LRMDA: variants seen among roughly 807,000 people sequenced by gnomAD.
The protein encoded by LRMDA is leucine rich melanocyte differentiation associated, also known as leucine-rich melanocyte differentiation-associated protein.
Under a neutral mutation model 29.8 loss-of-function variants are expected in LRMDA, and 18 were observed. The observed-to-expected ratio is 0.60, with a 90% CI of 0.42 to 0.90. The LOEUF is 0.90. Among genes scored for constraint, LRMDA ranks in the 40% least tolerant of loss-of-function variants. The pLI, the probability that LRMDA is intolerant of heterozygous loss-of-function variation, is 0.00. For synonymous variants in LRMDA, 125 were observed against 109.4 expected (o/e 1.14, Z -0.89); for missense variants, 273 against 273.9 (o/e 1.00, Z 0.02).
chr10:76,313,274 G>A (rs1006051245), intron 5 of LRMDA, among the ~76,000 whole-genome samples: 1 of 152,174 alleles, frequency 6.6e-6, no homozygotes, highest in Non-Finnish European at 1.5e-5. Flanking sequence ...CATGGAAAGT[G>A]TTTAACGCAG....
intron 6 of LRMDA, among the ~76,000 whole-genome samples, chr10:76,555,186 C>A (rs1260853813): frequency 6.6e-6 from 1 of 152,052 alleles, no homozygotes; most frequent in Non-Finnish European, 1.5e-5. Context: ...AGCCCACAGA[C>A]CAGCAGGATC....
chr10:75,681,881 C>T (rs76398142), intron 2 of LRMDA, among the ~76,000 whole-genome samples: 109 of 152,232 alleles, frequency 7.2e-4, no homozygotes, highest in African/African-American at 2.6e-3. Context: ...TGACCTAAAC[C>T]GGGAGAAAGC....
At chr10:75,655,437 C>T (rs555268014) in intron 2 of LRMDA, among the ~76,000 whole-genome samples, 2 of 152,342 alleles carry the variant, frequency 1.3e-5, no homozygotes, top group South Asian at 4.1e-4. Context: ...CTTGCTAGGC[C>T]AGCCTGCCAT....
chr10:76,000,662 G>A (rs939848717), intron 2 of LRMDA, among the ~76,000 whole-genome samples: 22 of 152,120 alleles, frequency 1.4e-4, no homozygotes, highest in Admixed American at 1.2e-3. Flanking sequence ...CATGAGGGAG[G>A]CCTGTGCATC....
chr10:75,922,647 G>A (rs1846045978), intron 2 of LRMDA, among the ~76,000 whole-genome samples: 1 of 152,078 alleles, frequency 6.6e-6, no homozygotes, highest in Non-Finnish European at 1.5e-5. Context: ...ACTTCCCACT[G>A]TGGGCATAAC....
intron 5 of LRMDA, among the ~76,000 whole-genome samples, chr10:76,319,774 C>T (rs923530976): frequency 1.3e-5 from 2 of 152,036 alleles, no homozygotes; most frequent in Non-Finnish European, 2.9e-5. Flanking sequence ...TTCCCAGACC[C>T]AGGATCACTT....
rs1321654621 is a variant in LRMDA at position 76,345,089 on chromosome 10, C to T, written c.601+20604C>T. On this transcript the variant is annotated intron_variant, in intron 6 of 6. Coordinates refer to ENST00000611255, the MANE Select transcript of LRMDA (RefSeq NM_001305581.2). ...TTTTTTTTTTTTTTTTTTTTTGAGA[C>T]GGAGTCTCGCTCTGTCGCCCAGGCT... is the stretch of plus-strand genomic sequence containing the variant. Among the ~76,000 whole-genome samples the T allele has an allele frequency of 6.0e-5, 5 of 82,950 alleles. No homozygotes were observed. In the East Asian group the frequency reaches 2.0e-3, roughly 34 times the overall value. The allele number at this position is 82,950 out of a possible 152,430, so 54.4% of individuals were successfully genotyped here.
At chr10:75,775,078 G>C (rs1222316758) in intron 2 of LRMDA, among the ~76,000 whole-genome samples, 1 of 152,198 alleles carries the variant, frequency 6.6e-6, no homozygotes, top group Non-Finnish European at 1.5e-5. Context: ...CACAGAAGTG[G>C]ATTGTTCTTC....
At chr10:75,539,903 A>T (rs753064255) in intron 2 of LRMDA, among the ~76,000 whole-genome samples, 3 of 152,248 alleles carry the variant, frequency 2.0e-5, no homozygotes, top group Non-Finnish European at 4.4e-5. Context: ...TTTGGGTTTT[A>T]ATTTTCTTTA....
At chr10:75,470,402 C>T (rs1193064479) in intron 2 of LRMDA, among the ~76,000 whole-genome samples, 2 of 152,198 alleles carry the variant, frequency 1.3e-5, no homozygotes, top group African/African-American at 4.8e-5. Context: ...GAGGCTGATG[C>T]ATGAGAATCA....
chr10:75,551,323 CTTGATAT>C (rs1840144118), intron 2 of LRMDA, among the ~76,000 whole-genome samples: 1 of 151,862 alleles, frequency 6.6e-6, no homozygotes, highest in Non-Finnish European at 1.5e-5. Flanking sequence ...GCCTGGCTTA[CTTGATAT>C]TTATTTATTT....
intron 6 of LRMDA, among the ~76,000 whole-genome samples, chr10:76,386,851 C>T (rs899519974): frequency 4.6e-4 from 70 of 151,730 alleles, no homozygotes; most frequent in Non-Finnish European, 8.2e-4. Flanking sequence ...AGAGCTTTTA[C>T]GAGTTCTACT....
At position 75,708,516 on chromosome 10, in the gene LRMDA, C is replaced by T. The variant is rs531232611; in HGVS notation, c.131+270022C>T. Among the ~76,000 whole-genome samples the T allele has an allele frequency of 1.6e-4, 24 of 152,088 alleles. No homozygotes were observed. In the South Asian group the frequency reaches 4.4e-3, roughly 28 times the overall value. ...TTCTAGTTTTATAGTTATTTAATAC[C>T]GCAATGCCAGATACTGAGAAAATGG... On this transcript the variant is annotated intron_variant, in intron 2 of 6. Transcript: ENST00000611255.
intron 2 of LRMDA, among the ~76,000 whole-genome samples, chr10:76,012,823 G>A (rs1171145163): frequency 1.3e-5 from 2 of 152,088 alleles, no homozygotes; most frequent in Non-Finnish European, 1.5e-5. Flanking sequence ...GCTTCTTTCG[G>A]GATATAAGCC....
intron 2 of LRMDA, among the ~76,000 whole-genome samples, chr10:75,915,002 G>A (rs1295991721): frequency 5.3e-5 from 8 of 150,866 alleles, no homozygotes; most frequent in African/African-American, 1.7e-4. Context: ...TTGTTATCTT[G>A]TTATCTGACT....
chr10:76,248,879 C>A (rs559591756), intron 5 of LRMDA, among the ~76,000 whole-genome samples: 1 of 152,274 alleles, frequency 6.6e-6, no homozygotes, highest in South Asian at 2.1e-4. Context: ...TCATACCACC[C>A]ACTTACAGCA....
chr10:76,156,141 G>C (rs1850533389), intron 5 of LRMDA, among the ~76,000 whole-genome samples: 1 of 152,138 alleles, frequency 6.6e-6, no homozygotes, highest in Non-Finnish European at 1.5e-5. Flanking sequence ...GACAGCCTCT[G>C]GCTAATTGGA....
chr10:76,428,029 C>T (rs1161028825), intron 6 of LRMDA, among the ~76,000 whole-genome samples: 1 of 152,116 alleles, frequency 6.6e-6, no homozygotes, highest in Non-Finnish European at 1.5e-5. Flanking sequence ...AGGATTTTTG[C>T]ATCAATGTTC....
rs776241202 is a variant in LRMDA, at chr10:75,504,084, C to T, written c.131+65590C>T. On this transcript the variant is annotated intron_variant, in intron 2 of 6. Coordinates refer to ENST00000611255, the MANE Select transcript of LRMDA (RefSeq NM_001305581.2). The stretch of plus-strand genomic sequence containing the variant: ...GCTCTGGAGTGCAGTGGTACAATCA[C>T]GGCTCACTGCAGCCTTGACCTTCCT... 4.0e-5 allele frequency among the ~76,000 whole-genome samples: 6 copies of T among 149,882 alleles called. No homozygotes were observed. The South Asian group carries it at 6.3e-4, about 16-fold the overall frequency.
Sources: allele counts gnomAD v4.1 joint callset (sites outside exome capture counted in the v4.1 genomes callset), GRCh38; gene constraint gnomAD v4.1.1; transcripts MANE v1.5; gene names NCBI Gene and HGNC (gene_info 2026-07-23, HGNC 2026-07-21).